CFAP299: variants seen among roughly 807,000 people sequenced by gnomAD.
CFAP299 encodes the protein cilia- and flagella-associated protein 299.
A neutral mutation model predicts 27.0 loss-of-function variants in CFAP299; 21 were observed. The ratio of observed to expected loss-of-function variants is 0.78; its 90% CI spans 0.55 to 1.12. The LOEUF (loss-of-function observed/expected upper bound fraction) is 1.12, where lower values mean the gene tolerates loss of function less well. Ranked by LOEUF, CFAP299 falls within the 50% of genes most tolerant of loss-of-function variation. The pLI, the probability that CFAP299 is intolerant of heterozygous loss-of-function variation, is 0.00. For synonymous variants in CFAP299, 104 were observed against 98.1 expected (o/e 1.06, Z -0.36); for missense variants, 310 against 276.6 (o/e 1.12, Z -0.86).
chr4:80,728,956 C>A (rs1330927464), intron 3 of CFAP299, among the ~76,000 whole-genome samples: 1 of 152,172 alleles, frequency 6.6e-6, no homozygotes, highest in African/African-American at 2.4e-5. Context: ...CCTAAAAGCT[C>A]CCCACAACCT....
chr4:80,650,883 G>A (rs1379997750), intron 3 of CFAP299, among the ~76,000 whole-genome samples: 1 of 151,900 alleles, frequency 6.6e-6, no homozygotes, highest in Non-Finnish European at 1.5e-5. Flanking sequence ...AGGGGGTGCG[G>A]GATATAAGAC....
At chr4:80,792,444 A>G (rs1490437373) in intron 3 of CFAP299, among the ~76,000 whole-genome samples, 1 of 152,144 alleles carries the variant, frequency 6.6e-6, no homozygotes, top group Non-Finnish European at 1.5e-5. Context: ...AGTGAAAAAC[A>G]TTAAATTAAC....
chr4:80,550,684 T>C (rs1734461093), intron 2 of CFAP299, among the ~76,000 whole-genome samples: 1 of 152,034 alleles, frequency 6.6e-6, no homozygotes, highest in South Asian at 2.1e-4. Flanking sequence ...AATTTAACTT[T>C]CTATGTGATT....
At chr4:80,771,924 G>A (rs969296940) in intron 3 of CFAP299, among the ~76,000 whole-genome samples, 2 of 152,118 alleles carry the variant, frequency 1.3e-5, no homozygotes, top group Non-Finnish European at 2.9e-5. Context: ...TTTGCTGAAC[G>A]ATGACAGACC....
chr4:80,783,724 GT>G (rs1015046363), intron 3 of CFAP299, among the ~76,000 whole-genome samples: 22 of 151,648 alleles, frequency 1.5e-4, no homozygotes, highest in African/African-American at 5.1e-4. Flanking sequence ...CCCATTTTTT[GT>G]TTTTAGGAAT....
chr4:80,527,141 T>C (rs1733231793), intron 2 of CFAP299, among the ~76,000 whole-genome samples: 1 of 152,160 alleles, frequency 6.6e-6, no homozygotes, highest in South Asian at 2.1e-4. Flanking sequence ...ACAATTGCTC[T>C]TTACTCTTTA....
chr4:80,387,139 CT>C, intron 2 of CFAP299: 1 of 1,405,744 alleles, frequency 7.1e-7, no homozygotes, highest in South Asian at 1.2e-5. Flanking sequence ...GTTTGACACA[CT>C]TGTAGACGGC....
At chr4:80,448,474 T>C (rs1275991400) in intron 2 of CFAP299, among the ~76,000 whole-genome samples, 2 of 152,240 alleles carry the variant, frequency 1.3e-5, no homozygotes, top group East Asian at 1.9e-4. Flanking sequence ...TAAATATCCA[T>C]TTGTATTTTC....
chr4:80,585,342 G>A (rs1265193849), intron 3 of CFAP299, among the ~76,000 whole-genome samples: 2 of 152,136 alleles, frequency 1.3e-5, no homozygotes, highest in East Asian at 3.8e-4. Flanking sequence ...AAAAGAATAT[G>A]TTCAGATGTT....
intron 4 of CFAP299, among the ~76,000 whole-genome samples, chr4:80,896,846 A>T (rs1734633086): frequency 6.6e-6 from 1 of 152,174 alleles, no homozygotes; most frequent in South Asian, 2.1e-4. Context: ...TATCTGCATT[A>T]AGGTGTGATT....
chr4:80,403,525 C>G (rs1726265519), intron 2 of CFAP299, among the ~76,000 whole-genome samples: 1 of 152,068 alleles, frequency 6.6e-6, no homozygotes, highest in African/African-American at 2.4e-5. Context: ...TTTGCATTTG[C>G]TATTCTTTCT....
At chr4:80,674,576 T>C (rs1322968311) in intron 3 of CFAP299, among the ~76,000 whole-genome samples, 1 of 152,224 alleles carries the variant, frequency 6.6e-6, no homozygotes, top group Non-Finnish European at 1.5e-5. Flanking sequence ...CGTGCCTTGC[T>C]AGGTTGCAGA....
Position 80,963,554 on chromosome 4 carries a change from T to A in CFAP299, c.644T>A (p.Leu215Gln), listed in dbSNP as rs1158206609. 4.4e-6 allele frequency: 7 copies of A among 1,609,186 alleles called. No individual in the cohort carries two copies. Among genetic ancestry groups the A allele is most frequent in the Non-Finnish European group, 5.1e-6 (6 of 1,177,280 alleles). Residue 215 changes from leucine (L) to glutamine (Q), a missense_variant, in exon 6 of 6, where the codon CTG becomes CAG. Coordinates refer to ENST00000358105, the MANE Select transcript of CFAP299 (RefSeq NM_152770.3). ...GACAACTCTACTAGAATCACTATCC[T>A]GACAGAACTCTACGTACAAGCTGTC... ...PGDNSTRITI[L>Q]TELYVQAVIF...
chr4:80,919,078 C>A (rs1046280357), intron 4 of CFAP299, among the ~76,000 whole-genome samples: 1 of 152,080 alleles, frequency 6.6e-6, no homozygotes, highest in African/African-American at 2.4e-5. Flanking sequence ...CAGGAAGTGT[C>A]TGTAGTTTCC....
At chr4:80,385,696 C>G (rs1400754800) in intron 2 of CFAP299, among the ~76,000 whole-genome samples, 4 of 152,212 alleles carry the variant, frequency 2.6e-5, no homozygotes, top group Non-Finnish European at 5.9e-5. Context: ...CTCCTAAAAG[C>G]CAACATCACA....
intron 3 of CFAP299, among the ~76,000 whole-genome samples, chr4:80,767,139 G>A (rs1174535238): frequency 6.6e-6 from 1 of 151,788 alleles, no homozygotes; most frequent in East Asian, 1.9e-4. Context: ...TACATTGTAT[G>A]TATTTTCCTC....
intron 3 of CFAP299, among the ~76,000 whole-genome samples, chr4:80,792,058 A>T (rs904848656): frequency 6.6e-6 from 1 of 152,096 alleles, no homozygotes; most frequent in Non-Finnish European, 1.5e-5. Context: ...ATATAATGTT[A>T]TCACACCCTA....
intron 2 of CFAP299, among the ~76,000 whole-genome samples, chr4:80,556,351 C>T (rs1390996120): frequency 1.3e-5 from 2 of 152,052 alleles, no homozygotes; most frequent in South Asian, 2.1e-4. Context: ...CTTAAGACAG[C>T]TATGAAGACA....
intron 2 of CFAP299, among the ~76,000 whole-genome samples, chr4:80,489,924 G>A (rs963420111): frequency 8.3e-6 from 1 of 121,108 alleles, no homozygotes; most frequent in African/African-American, 5.2e-5. Context: ...AAGAAACAAG[G>A]TGATTTATTA....
Sources: gnomAD v4.1 joint callset for allele counts (sites outside exome capture counted in the v4.1 genomes callset) on GRCh38, gnomAD v4.1.1 for gene constraint, MANE v1.5 for transcripts, NCBI Gene and HGNC (gene_info 2026-07-23, HGNC 2026-07-21) for gene names.